LCA5L: variants seen among roughly 807,000 people sequenced by gnomAD.
LCA5L encodes lebercilin LCA5 like, also known as lebercilin-like protein.
LCA5L carries 35 observed loss-of-function variants against 45.4 expected under a neutral mutation model. That is an observed-to-expected ratio of 0.77 (90% CI 0.59 to 1.02). LCA5L has a LOEUF of 1.02. LCA5L is among the 50% of genes least tolerant of loss of function. The pLI is 0.00. For synonymous variants in LCA5L, 233 were observed against 264.7 expected, an observed-to-expected ratio of 0.88 and a Z score of 1.16; for missense variants, 668 against 761.6, an observed-to-expected ratio of 0.88 and a Z score of 1.45.
chr21:39,410,736 A>G (rs1369506101), intron 8 of LCA5L: 1 of 439,318 alleles, frequency 2.3e-6, no homozygotes, highest in Non-Finnish European at 4.6e-6. Context: ...TAGACTGTCC[A>G]TGCTGAAGCG....
At chr21:39,426,789 T>C (rs2074784767) in intron 5 of LCA5L, among the ~76,000 whole-genome samples, 1 of 152,264 alleles carries the variant, frequency 6.6e-6, no homozygotes, top group Admixed American at 6.5e-5. Flanking sequence ...TCATTTTTGA[T>C]GGAGTCCAGG....
intron 6 of LCA5L, chr21:39,421,642 C>T (rs932923067): frequency 5.3e-5 from 8 of 152,102 alleles, no homozygotes; most frequent in Non-Finnish European, 1.2e-4. Context: ...CCAAAAGGAC[C>T]ACTTTTCTTT....
chr21:39,411,780 AT>A lies in LCA5L; in HGVS notation c.997del (p.Ile333LeufsTer40). On this transcript the variant is annotated frameshift_variant, in exon 8 of 11. Coordinates refer to ENST00000288350, the MANE Select transcript of LCA5L (RefSeq NM_152505.4). LOFTEE classifies it high-confidence loss of function. ...TATTCGATGACTATAGATGTTTTTAATTTCAAGCTCACGATCCTTTTCCTAA... is the reference window on the plus strand; with the variant it reads ...TATTCGATGACTATAGATGTTTTTAATTCAAGCTCACGATCCTTTTCCTAA... ...KLKEKDRELE[I>X]KNIYSHRILK... 1 of 1,589,154 alleles carries A rather than the reference AT, an allele frequency of 6.3e-7. No individual in the cohort carries two copies. Among genetic ancestry groups the A allele is most frequent in the Non-Finnish European group, 8.6e-7 (1 of 1,163,666 alleles).
At chr21:39,425,088 G>A (rs1327831685) in intron 5 of LCA5L, among the ~76,000 whole-genome samples, 4 of 152,204 alleles carry the variant, frequency 2.6e-5, no homozygotes, top group South Asian at 2.1e-4. Flanking sequence ...TATATGTGGT[G>A]TGCAAGTGTA....
chr21:39,414,736 C>CTGTGTGTGTG (rs1445537335), intron 7 of LCA5L, among the ~76,000 whole-genome samples: 42 of 92,272 alleles, frequency 4.6e-4, no homozygotes, highest in Admixed American at 6.3e-4. Flanking sequence ...CTCTCTCTCT[C>CTGTGTGTGTG]TCTCTCTGTG....
At position 39,428,316 on chromosome 21, in the gene LCA5L, T is replaced by C; in HGVS notation, c.178A>G (p.Ser60Gly). ...DYSRSQCSCG[S>G]LSSQYDYSED... Reference sequence around the variant, plus strand: ...GAATAATCATACTGAGAACTTAAACTTCCACAGGAGCACTGAGATCTGCTA... The same window carrying C: ...GAATAATCATACTGAGAACTTAAACCTCCACAGGAGCACTGAGATCTGCTA... Residue 60 changes from serine (S) to glycine (G), a missense_variant, in exon 5 of 11, where the codon AGT (serine) becomes GGT (glycine). Coordinates refer to ENST00000288350, the MANE Select transcript of LCA5L (RefSeq NM_152505.4). 1 of 1,613,586 alleles carries C rather than the reference T, an allele frequency of 6.2e-7. No homozygotes were observed. The highest frequency in any genetic ancestry group is 8.5e-7 in the Non-Finnish European group (1 of 1,179,748).
At chr21:39,406,780 A>G (rs1036639384) in intron 10 of LCA5L, 168 bp from the exon 11 acceptor site, 14 of 557,980 alleles carry the variant, frequency 2.5e-5, no homozygotes, top group Admixed American at 7.1e-5. Flanking sequence ...AGGTGCTATT[A>G]ACAAATGTGT....
intron 3 of LCA5L, among the ~76,000 whole-genome samples, chr21:39,429,902 C>G (rs2075480491): frequency 6.6e-6 from 1 of 152,100 alleles, no homozygotes; most frequent in Non-Finnish European, 1.5e-5. Context: ...CTTGTAGTCC[C>G]AGCGACTTGG....
At chr21:39,445,271 C>A (rs975391358) in intron 1 of LCA5L, among the ~76,000 whole-genome samples, 1 of 152,018 alleles carries the variant, frequency 6.6e-6, no homozygotes, top group Non-Finnish European at 1.5e-5. Flanking sequence ...GAGATGCCAG[C>A]GCTAAGGTTA....
In LCA5L at chr21:39,405,950, T is replaced by C. The variant is rs759042256; in HGVS notation, c.1945A>G (p.Lys649Glu). The C allele has an allele frequency of 6.2e-7, 1 of 1,613,786 alleles. No homozygotes were observed. The highest frequency in any genetic ancestry group is 8.5e-7 in the Non-Finnish European group (1 of 1,179,756). Residue 649 changes from lysine to glutamate, a missense_variant, in exon 11 of 11, where the codon AAA becomes GAA. Physicochemically the swap from Lys to Glu is moderately conservative, Grantham distance 56 (BLOSUM62 1). Transcript: ENST00000288350. The part of the protein sequence containing the change: ...ASTSHAFGDS[K>E]VTVVNSIKPS... ...TTAATAGAATTTACCACAGTTACTT[T>C]AGAGTCTCCGAAAGCATGGCTGGTG...
At position 39,409,056 on chromosome 21, in the gene LCA5L, A is replaced by G. The variant is rs535827375; in HGVS notation, c.1282+923T>C. ...TAACCCCCAGTATGGCTATATTTGG[A>G]GACTGGGTCTTTAAGGAAGTAATTA... On this transcript the variant is annotated intron_variant, in intron 10 of 10. Coordinates refer to ENST00000288350, the MANE Select transcript of LCA5L (RefSeq NM_152505.4). This position sits in a 1 kb window ranked among gnomAD's most constrained non-coding sequence, Gnocchi z 4.2. Among the ~76,000 whole-genome samples, 10 of 152,324 alleles carry G rather than the reference A, an allele frequency of 6.6e-5. No individual in the cohort carries two copies. Among genetic ancestry groups the G allele is most frequent in the African/African-American group, 2.4e-4 (10 of 41,570 alleles).
chr21:39,434,798 A>G (rs2076134099), intron 3 of LCA5L, among the ~76,000 whole-genome samples: 1 of 152,194 alleles, frequency 6.6e-6, no homozygotes, highest in Non-Finnish European at 1.5e-5. Flanking sequence ...GATTACAGGC[A>G]TGACCCACCA....
rs114177049 is a variant in LCA5L, at chr21:39,434,148, T to C, written c.-92+1272A>G. Among the ~76,000 whole-genome samples the C allele has an allele frequency of 7.0e-3, 1,070 of 152,224 alleles. 12 individuals are homozygous for C. Among genetic ancestry groups the C allele is most frequent in the African/African-American group, 0.025 (1,032 of 41,534 alleles). On this transcript the variant is annotated intron_variant, in intron 3 of 10. Transcript: ENST00000288350. ...ATGTTTGGGTTCACCTGGCACTGTG[T>C]GAGTTCTATTCTTTTCCATGAAATG...
intron 3 of LCA5L, among the ~76,000 whole-genome samples, chr21:39,432,812 G>T (rs1388859484): frequency 6.6e-6 from 1 of 152,146 alleles, no homozygotes; most frequent in African/African-American, 2.4e-5. Context: ...TTATTATTAT[G>T]AGATTCATCC....
At chr21:39,420,900 C>T in intron 6 of LCA5L, 57 bp from the exon 7 acceptor site, 1 of 1,366,416 alleles carries the variant, frequency 7.3e-7, no homozygotes, top group South Asian at 1.2e-5. Flanking sequence ...TTAAAAACTT[C>T]AATTATCATG....
intron 7 of LCA5L, among the ~76,000 whole-genome samples, chr21:39,419,523 C>CAAAAAAAAAAAAAAAAAAA (rs5843964): frequency 8.1e-6 from 1 of 123,544 alleles, no homozygotes; most frequent in Non-Finnish European, 1.6e-5. Flanking sequence ...AGACCCTGTT[C>CAAAAAAAAAAAAAAAAAAA]AAAAAAAAAA....
Position 39,409,654 on chromosome 21 carries a change from A to G in LCA5L, c.1282+325T>C, listed in dbSNP as rs914035044. Among the ~76,000 whole-genome samples, 1 of 152,038 alleles carries G rather than the reference A, an allele frequency of 6.6e-6. No individual in the cohort carries two copies. Among genetic ancestry groups the G allele is most frequent in the African/African-American group, 2.4e-5 (1 of 41,400 alleles). On this transcript the variant is annotated intron_variant, in intron 10 of 10. Transcript: ENST00000288350. This position sits in a 1 kb window ranked among gnomAD's most constrained non-coding sequence, Gnocchi z 4.2. ...GTCACCCAGGTTGGAGTGCAGTGGCACGATCTTGGCTCACTGCAACCTCTG... is the reference window on the plus strand; with the variant it reads ...GTCACCCAGGTTGGAGTGCAGTGGCGCGATCTTGGCTCACTGCAACCTCTG...
intron 7 of LCA5L, among the ~76,000 whole-genome samples, chr21:39,419,814 A>G: frequency 6.6e-6 from 1 of 152,194 alleles, no homozygotes; most frequent in South Asian, 2.1e-4. Flanking sequence ...GTATTTCTTA[A>G]GCATCTTATC....
At position 39,406,430 on chromosome 21, in the gene LCA5L, C is replaced by A. The variant is rs780983256; in HGVS notation, c.1465G>T (p.Val489Leu). ...ATGCTTCTTTTAAACTTTTCTCTTA[C>A]TAGAACATCTTCTTGATTGCTTTCT... is the stretch of plus-strand genomic sequence containing the variant. ...ERESNQEDVL[V>L]REKFKRSMQR... The change falls in exon 11 of 11, where the codon GTA becomes TTA. Residue 489 changes from valine (V) to leucine (L), a missense_variant. By Grantham distance (32) the Val-to-Leu change is conservative. Coordinates refer to ENST00000288350, the MANE Select transcript of LCA5L (RefSeq NM_152505.4). 1 of 1,614,134 alleles carries A rather than the reference C, an allele frequency of 6.2e-7. No homozygotes were observed. The highest frequency in any genetic ancestry group is 8.5e-7 in the Non-Finnish European group (1 of 1,180,006).
Sources: gnomAD v4.1 joint callset for allele counts (sites outside exome capture counted in the v4.1 genomes callset) on GRCh38, gnomAD v4.1.1 for gene constraint, Gnocchi (gnomAD v3.1) non-coding constraint, MANE v1.5 for transcripts, NCBI Gene and HGNC (gene_info 2026-07-23, HGNC 2026-07-21) for gene names.